PDE4D: variants seen among roughly 807,000 people sequenced by gnomAD.
PDE4D encodes 3',5'-cyclic-AMP phosphodiesterase 4D.
In PDE4D, 24 loss-of-function variants were observed where a neutral mutation model predicts 87.4. The observed-to-expected ratio is 0.27, with a 90% CI of 0.20 to 0.39. PDE4D has a LOEUF of 0.39. Ranked by LOEUF, PDE4D falls within the 10% of genes least tolerant of loss-of-function variation. The pLI, the probability that PDE4D is intolerant of heterozygous loss-of-function variation, is 1.00. For missense variants in PDE4D, 714 were observed against 1,041.0 expected (o/e 0.69, Z 4.32); for synonymous variants, 384 against 383.2 (o/e 1.00, Z -0.02).
At chr5:60,281,934 G>A (rs1042236455) in intron 1 of PDE4D, among the ~76,000 whole-genome samples, 1 of 151,994 alleles carries the variant, frequency 6.6e-6, no homozygotes, top group Admixed American at 6.6e-5. Context: ...CTACCCAGGA[G>A]GCTGAGGTGG....
chr5:60,239,073 A>G (rs1280333380), intron 1 of PDE4D, among the ~76,000 whole-genome samples: 1 of 152,050 alleles, frequency 6.6e-6, no homozygotes, highest in Non-Finnish European at 1.5e-5. Flanking sequence ...TATTTCATAC[A>G]TTTTCTTCTA....
chr5:59,158,533 C>A (rs1780570413), intron 5 of PDE4D, among the ~76,000 whole-genome samples: 1 of 152,152 alleles, frequency 6.6e-6, no homozygotes, highest in African/African-American at 2.4e-5. Context: ...CAAGGATATC[C>A]CCTAAACATC....
At chr5:59,030,017 C>T (rs753190834) in intron 6 of PDE4D, among the ~76,000 whole-genome samples, 2 of 152,018 alleles carry the variant, frequency 1.3e-5, no homozygotes, top group Admixed American at 6.6e-5. Flanking sequence ...ATCTCACACT[C>T]CATATAAAAA....
intron 6 of PDE4D, among the ~76,000 whole-genome samples, chr5:59,006,557 G>A (rs1452454779): frequency 6.6e-6 from 1 of 151,966 alleles, no homozygotes; most frequent in Non-Finnish European, 1.5e-5. Context: ...ACTCCAGCCT[G>A]GATGACAGAG....
chr5:59,987,102 GA>G (rs1476430816), intron 3 of PDE4D: 1 of 152,152 alleles, frequency 6.6e-6, no homozygotes, highest in Non-Finnish European at 1.5e-5. Flanking sequence ...GCTGAATTAT[GA>G]GAGCTCTGCT....
chr5:59,061,239 G>T (rs1369835173), intron 5 of PDE4D, among the ~76,000 whole-genome samples: 1 of 151,884 alleles, frequency 6.6e-6, no homozygotes, highest in Non-Finnish European at 1.5e-5. Context: ...CTAAGTTCTG[G>T]GTGGGTCCAA....
intron 6 of PDE4D, chr5:58,999,811 A>C: frequency 1.0e-6 from 1 of 997,640 alleles, no homozygotes; most frequent in Non-Finnish European, 1.2e-6. Flanking sequence ...ATAAAGGAAT[A>C]TCTAAAGATC....
chr5:59,555,079 T>C (rs1482568140), intron 1 of PDE4D, among the ~76,000 whole-genome samples: 1 of 152,160 alleles, frequency 6.6e-6, no homozygotes, highest in Admixed American at 6.5e-5. Context: ...CTATTCACCA[T>C]AGCAAAGACA....
Position 58,974,597 on chromosome 5 carries a change from T to A in PDE4D, c.*67A>T. 1.4e-6 allele frequency: 2 copies of A among 1,422,194 alleles called. No homozygotes were observed. The highest frequency in any genetic ancestry group is 1.9e-6 in the Non-Finnish European group (2 of 1,053,538). The allele number at this position is 1,422,194 out of a possible 1,614,324, so 88.1% of individuals were successfully genotyped here. On this transcript the variant is annotated 3_prime_UTR_variant, in exon 15 of 15. Coordinates refer to ENST00000340635, the MANE Select transcript of PDE4D (RefSeq NM_001104631.2). Reference sequence around the variant, plus strand: ...GTGAGGTGTGACCGTGGTTGTGGCATGTGACATGCACTTTGGAAACAATTT... The same window carrying A: ...GTGAGGTGTGACCGTGGTTGTGGCAAGTGACATGCACTTTGGAAACAATTT...
chr5:59,551,846 A>G (rs572538567), intron 1 of PDE4D, among the ~76,000 whole-genome samples: 1 of 152,336 alleles, frequency 6.6e-6, no homozygotes, highest in East Asian at 1.9e-4. Context: ...ATACCAAAAA[A>G]ACCCTTCTAA....
chr5:59,993,295 T>C lies in PDE4D; in HGVS notation c.43-4578A>G, dbSNP rs1451730771. ...ACTAATGGTTTTGACATTTTAGACATAGTTTAATAAAACTGTTTGGCAAAT... is the reference window on the plus strand; with the variant it reads ...ACTAATGGTTTTGACATTTTAGACACAGTTTAATAAAACTGTTTGGCAAAT... On this transcript the variant is annotated intron_variant, in intron 2 of 16. Coordinates refer to the PDE4D transcript ENST00000502484. Among the ~76,000 whole-genome samples, 5 of 152,298 alleles carry C rather than the reference T, an allele frequency of 3.3e-5. No homozygotes were observed. In the East Asian group the frequency reaches 9.6e-4, roughly 29 times the overall value.
At chr5:60,372,087 C>A (rs1393685993) in intron 1 of PDE4D, among the ~76,000 whole-genome samples, 1 of 151,696 alleles carries the variant, frequency 6.6e-6, no homozygotes, top group East Asian at 1.9e-4. Flanking sequence ...CTCTCACCAG[C>A]AGTCTAGGAG....
At chr5:59,501,902 G>A (rs1808351761) in intron 1 of PDE4D, among the ~76,000 whole-genome samples, 1 of 152,120 alleles carries the variant, frequency 6.6e-6, no homozygotes, top group Non-Finnish European at 1.5e-5. Context: ...TATGGATGAA[G>A]ATAAAACCTG....
At chr5:59,964,078 G>A (rs908788556) in intron 3 of PDE4D, among the ~76,000 whole-genome samples, 13 of 152,160 alleles carry the variant, frequency 8.5e-5, no homozygotes, top group Non-Finnish European at 1.8e-4. Flanking sequence ...TGGAACAGAT[G>A]CAGATATAAA....
chr5:59,923,901 A>G (rs1561866229), intron 3 of PDE4D, among the ~76,000 whole-genome samples: 1 of 152,220 alleles, frequency 6.6e-6, no homozygotes, highest in Non-Finnish European at 1.5e-5. Context: ...GGCTCCAGTG[A>G]CCAATCCTGG....
At chr5:60,371,762 A>G (rs1393397045) in intron 1 of PDE4D, among the ~76,000 whole-genome samples, 1 of 152,174 alleles carries the variant, frequency 6.6e-6, no homozygotes, top group Non-Finnish European at 1.5e-5. Flanking sequence ...AAATCATGGC[A>G]TGCACTCTTT....
chr5:60,459,032 T>G (rs1746716266), intron 1 of PDE4D, among the ~76,000 whole-genome samples: 1 of 152,046 alleles, frequency 6.6e-6, no homozygotes, highest in Non-Finnish European at 1.5e-5. Flanking sequence ...ATACATTTAG[T>G]TTTATTGTAA....
intron 1 of PDE4D, among the ~76,000 whole-genome samples, chr5:59,520,031 G>T (rs1423530600): frequency 6.6e-6 from 1 of 152,290 alleles, no homozygotes; most frequent in African/African-American, 2.4e-5. Flanking sequence ...GGAGGCTGAG[G>T]TGGGGGGATC....
intron 1 of PDE4D, chr5:60,335,174 G>A (rs1757637491): frequency 6.6e-6 from 1 of 152,238 alleles, no homozygotes; most frequent in Admixed American, 6.5e-5. Context: ...AAGTGGGGAG[G>A]ACAGATTTGA....
Sources: gnomAD v4.1 joint callset for allele counts (sites outside exome capture counted in the v4.1 genomes callset) on GRCh38, gnomAD v4.1.1 for gene constraint, MANE v1.5 for transcripts, NCBI Gene and HGNC (gene_info 2026-07-23, HGNC 2026-07-21) for gene names.